Variants in CADPS observed in about 807,000 individuals in gnomAD.
CADPS encodes the protein calcium-dependent secretion activator 1.
Under a neutral mutation model 167.3 loss-of-function variants are expected in CADPS, and 57 were observed. That is an observed-to-expected ratio of 0.34 (90% CI 0.28 to 0.42). The LOEUF is 0.42. Among genes scored for constraint, CADPS ranks in the 20% least tolerant of loss-of-function variants. The pLI, the probability that CADPS is intolerant of heterozygous loss-of-function variation, is 1.00. For missense variants in CADPS, 1,414 were observed against 1,738.1 expected (o/e 0.81, Z 3.32); for synonymous variants, 676 against 635.3 (o/e 1.06, Z -0.96).
intron 28 of CADPS, among the ~76,000 whole-genome samples, chr3:62,411,524 T>C (rs765490168): frequency 6.6e-6 from 1 of 152,252 alleles, no homozygotes; most frequent in African/African-American, 2.4e-5. Flanking sequence ...AAGCTTTCAA[T>C]GCGTATTTCT....
At chr3:62,653,717 A>G (rs1010868798) in intron 4 of CADPS, among the ~76,000 whole-genome samples, 3 of 152,144 alleles carry the variant, frequency 2.0e-5, no homozygotes, top group African/African-American at 7.2e-5. Context: ...TTAAATATCA[A>G]TGTAGCTAAA....
chr3:62,831,466 G>C (rs754544889), intron 1 of CADPS, among the ~76,000 whole-genome samples: 3 of 152,106 alleles, frequency 2.0e-5, no homozygotes, highest in Non-Finnish European at 2.9e-5. Flanking sequence ...TTGTCCTCTG[G>C]AATGAGCACT....
intron 1 of CADPS, among the ~76,000 whole-genome samples, chr3:62,854,540 G>A (rs553974511): frequency 4.6e-5 from 7 of 152,196 alleles, no homozygotes; most frequent in African/African-American, 7.2e-5. Context: ...AATGAGGAAA[G>A]TACTAATGCC....
chr3:62,854,621 T>A (rs1452913509), intron 1 of CADPS, among the ~76,000 whole-genome samples: 1 of 152,208 alleles, frequency 6.6e-6, no homozygotes, highest in Non-Finnish European at 1.5e-5. Flanking sequence ...GAGAAAAATC[T>A]AGGTTGCAAA....
chr3:62,566,094 T>A (rs143964456), intron 9 of CADPS, among the ~76,000 whole-genome samples: 1 of 152,210 alleles, frequency 6.6e-6, no homozygotes, highest in Non-Finnish European at 1.5e-5. Flanking sequence ...AGATCTAACA[T>A]CTGAATTGAA....
chr3:62,450,787 C>T (rs1198242449), intron 26 of CADPS, among the ~76,000 whole-genome samples: 7 of 152,154 alleles, frequency 4.6e-5, no homozygotes, highest in Admixed American at 4.6e-4. Context: ...ACATTAGGAG[C>T]TGTAGGATGA....
chr3:62,817,642 A>T (rs1316157462), intron 1 of CADPS, among the ~76,000 whole-genome samples: 1 of 152,168 alleles, frequency 6.6e-6, no homozygotes, highest in East Asian at 1.9e-4. Flanking sequence ...CAGTAATTGG[A>T]TAAAATTATT....
intron 27 of CADPS, chr3:62,440,440 A>G (rs2056075374): frequency 6.6e-6 from 1 of 151,774 alleles, no homozygotes. Flanking sequence ...AGAATAATGT[A>G]TGTAAAAATG....
chr3:62,679,161 G>T (rs866979034), intron 3 of CADPS, among the ~76,000 whole-genome samples: 4 of 152,010 alleles, frequency 2.6e-5, no homozygotes, highest in Non-Finnish European at 4.4e-5. Context: ...TGGTTGACCT[G>T]CCTTGTGTCT....
At chr3:62,863,273 A>G (rs755896625) in intron 1 of CADPS, among the ~76,000 whole-genome samples, 2 of 152,162 alleles carry the variant, frequency 1.3e-5, no homozygotes, top group Non-Finnish European at 2.9e-5. Flanking sequence ...CCCATGTGCT[A>G]TATCTGTGAC....
At chr3:62,411,178 G>A (rs1045217087) in intron 28 of CADPS, among the ~76,000 whole-genome samples, 2 of 152,158 alleles carry the variant, frequency 1.3e-5, no homozygotes, top group African/African-American at 4.8e-5. Flanking sequence ...GCCTGAGCAA[G>A]CAGGCAATTT....
At position 62,514,736 on chromosome 3, in the gene CADPS, T is replaced by C. The variant is rs1210424494; in HGVS notation, c.2581+1323A>G. On this transcript the variant is annotated intron_variant, in intron 16 of 29. Transcript: ENST00000383710. The surrounding 1 kb of genome is among the most constrained non-coding windows in gnomAD (Gnocchi z 4.2). ...AGCAGCCATGGCAACAGAACGTTTC[T>C]TGATCCCATCCCATCTCTGGACTTG... 6.6e-6 allele frequency among the ~76,000 whole-genome samples: 1 copy of C among 152,164 alleles called. No individual in the cohort carries two copies. The highest frequency in any genetic ancestry group is 1.5e-5 in the Non-Finnish European group (1 of 67,996).
chr3:62,591,599 G>C (rs1188264762), intron 7 of CADPS, among the ~76,000 whole-genome samples: 1 of 152,138 alleles, frequency 6.6e-6, no homozygotes, highest in Non-Finnish European at 1.5e-5. Flanking sequence ...CAAATTAAAC[G>C]AGTTCAGATT....
intron 11 of CADPS, among the ~76,000 whole-genome samples, chr3:62,545,743 C>A (rs2076355833): frequency 6.6e-6 from 1 of 152,002 alleles, no homozygotes; most frequent in Non-Finnish European, 1.5e-5. Context: ...TTAGAAAGAC[C>A]CAAATAAACT....
chr3:62,703,640 A>G (rs2081828823), intron 3 of CADPS, among the ~76,000 whole-genome samples: 1 of 152,130 alleles, frequency 6.6e-6, no homozygotes, highest in South Asian at 2.1e-4. Flanking sequence ...AGAATGAATC[A>G]TGAGCTCTAA....
At chr3:62,776,655 AAACAACAAC>A (rs773417197) in intron 1 of CADPS, among the ~76,000 whole-genome samples, 1 of 152,020 alleles carries the variant, frequency 6.6e-6, no homozygotes, top group Non-Finnish European at 1.5e-5. Flanking sequence ...CTCCATCTCA[AAACAACAAC>A]AACAACAACA....
intron 16 of CADPS, chr3:62,513,534 A>C: frequency 1.3e-6 from 1 of 741,096 alleles, no homozygotes; most frequent in South Asian, 1.8e-5. Flanking sequence ...CAATGCTAAA[A>C]AACTTGAAGC....
At chr3:62,728,489 A>G (rs114502240) in intron 3 of CADPS, among the ~76,000 whole-genome samples, 1,760 of 151,984 alleles carry the variant, frequency 0.012, 33 homozygotes, top group Admixed American at 0.019. Context: ...CTATATCTTC[A>G]TTTCCTTAAC....
chr3:62,504,631 G>C (rs2066317789), intron 17 of CADPS, among the ~76,000 whole-genome samples: 1 of 152,180 alleles, frequency 6.6e-6, no homozygotes, highest in South Asian at 2.1e-4. Context: ...CTGACAGTGA[G>C]GTTTGCCACC....
Sources: gnomAD v4.1 joint callset for allele counts (sites outside exome capture counted in the v4.1 genomes callset) on GRCh38, gnomAD v4.1.1 for gene constraint, Gnocchi (gnomAD v3.1) non-coding constraint, MANE v1.5 for transcripts, NCBI Gene and HGNC (gene_info 2026-07-23, HGNC 2026-07-21) for gene names.